The following SEMA3E variants were observed in gnomAD, a reference collection of about 807,000 sequenced individuals.
SEMA3E encodes the protein semaphorin 3E, also known as semaphorin-3E.
A neutral mutation model predicts 93.6 loss-of-function variants in SEMA3E; 49 were observed. That is an observed-to-expected ratio of 0.52 (90% CI 0.42 to 0.66). SEMA3E has a LOEUF of 0.66. SEMA3E is among the 30% of genes least tolerant of loss of function. The pLI, the probability that SEMA3E is intolerant of heterozygous loss-of-function variation, is 0.00. For missense variants in SEMA3E, 906 were observed against 964.8 expected (o/e 0.94, Z 0.81); for synonymous variants, 363 against 330.7 (o/e 1.10, Z -1.06).
intron 14 of SEMA3E, among the ~76,000 whole-genome samples, chr7:83,388,792 T>G (rs915306942): frequency 2.2e-5 from 3 of 137,908 alleles, no homozygotes; most frequent in Non-Finnish European, 3.1e-5. Flanking sequence ...AAATGACACC[T>G]AAAATCTATT....
chr7:83,500,737 C>T (rs1043628857), intron 1 of SEMA3E, among the ~76,000 whole-genome samples: 2 of 151,652 alleles, frequency 1.3e-5, no homozygotes, highest in Non-Finnish European at 2.9e-5. Flanking sequence ...GGATTATAGG[C>T]ATACGCCACC....
chr7:83,437,553 T>C (rs1251724762), intron 4 of SEMA3E, among the ~76,000 whole-genome samples: 1 of 151,970 alleles, frequency 6.6e-6, no homozygotes, highest in Non-Finnish European at 1.5e-5. Context: ...TCAGTGAAAG[T>C]TGAATTTTTA....
chr7:83,645,743 C>CAA (rs1196617269), intron 1 of SEMA3E, among the ~76,000 whole-genome samples: 8 of 151,802 alleles, frequency 5.3e-5, no homozygotes, highest in African/African-American at 1.9e-4. Flanking sequence ...CTCTCTCTCT[C>CAA]TCTCTCTGCC....
chr7:83,639,128 A>AAAAAAC lies in SEMA3E; in HGVS notation c.115+9299_115+9300insGTTTTT, dbSNP rs1793945016. Among the ~76,000 whole-genome samples, 8 of 141,364 alleles carry AAAAAAC rather than the reference A, an allele frequency of 5.7e-5. 1 individual carries two copies. The highest frequency in any genetic ancestry group is 2.1e-4 in the African/African-American group (8 of 38,284). The allele number at this position is 141,364 out of a possible 152,430, so 92.7% of individuals were successfully genotyped here. On this transcript the variant is annotated intron_variant, in intron 1 of 16. Coordinates refer to ENST00000643230, the MANE Select transcript of SEMA3E (RefSeq NM_012431.3). ...TCCGTCTCAAAAAAAAAAAAAAAAA[A>AAAAAAC]AAAAAAAAAAAACAGAGATTCCTGA...
At chr7:83,597,514 G>A (rs1038349173) in intron 1 of SEMA3E, among the ~76,000 whole-genome samples, 1 of 152,094 alleles carries the variant, frequency 6.6e-6, no homozygotes, top group Non-Finnish European at 1.5e-5. Flanking sequence ...TCTTAACTGT[G>A]TCTTTCTCAA....
At chr7:83,532,841 A>G (rs12155029) in intron 1 of SEMA3E, among the ~76,000 whole-genome samples, 79,873 of 151,578 alleles carry the variant, frequency 0.53, 23,395 homozygotes, top group Middle Eastern at 0.69. Context: ...ATCTTGCTTC[A>G]ACCATTTGTG....
chr7:83,525,799 T>C (rs1791146321), intron 1 of SEMA3E, among the ~76,000 whole-genome samples: 1 of 124,080 alleles, frequency 8.1e-6, no homozygotes, highest in East Asian at 2.3e-4. Flanking sequence ...TTTTTTTTTT[T>C]TTCGTCTCTA....
At chr7:83,401,378 T>C (rs1164392629) in intron 10 of SEMA3E, among the ~76,000 whole-genome samples, 1 of 152,100 alleles carries the variant, frequency 6.6e-6, no homozygotes, top group Non-Finnish European at 1.5e-5. Flanking sequence ...ATGGTGTGGT[T>C]TTTAAAATCA....
chr7:83,400,355 C>A, intron 10 of SEMA3E, 105 bp from the exon 11 acceptor site: 2 of 1,015,528 alleles, frequency 2.0e-6, no homozygotes, highest in Non-Finnish European at 3.1e-6. Context: ...TCAAATTAGT[C>A]AATTGTGCAT....
chr7:83,526,100 C>A lies in SEMA3E; in HGVS notation c.116-35826G>T, dbSNP rs1001617308. Among the ~76,000 whole-genome samples, 7 of 152,054 alleles carry A rather than the reference C, an allele frequency of 4.6e-5. 1 individual carries two copies. The highest frequency in any genetic ancestry group is 1.0e-4 in the Non-Finnish European group (7 of 67,996). On this transcript the variant is annotated intron_variant, in intron 1 of 16. Coordinates refer to ENST00000643230, the MANE Select transcript of SEMA3E (RefSeq NM_012431.3). ...GAAGGCTAGGTGGCTCTCAATAGAACTGGCATGAATTCAATGATAATGACA... is the reference window on the plus strand; with the variant it reads ...GAAGGCTAGGTGGCTCTCAATAGAAATGGCATGAATTCAATGATAATGACA...
chr7:83,445,893 A>G (rs1019717864), intron 4 of SEMA3E, among the ~76,000 whole-genome samples: 1 of 152,176 alleles, frequency 6.6e-6, no homozygotes, highest in Admixed American at 6.5e-5. Context: ...GCCTTTTTAA[A>G]TAGGAGATAT....
At chr7:83,548,976 T>C (rs2115793445) in intron 1 of SEMA3E, among the ~76,000 whole-genome samples, 2 of 152,162 alleles carry the variant, frequency 1.3e-5, no homozygotes, top group South Asian at 4.2e-4. Flanking sequence ...TCTTTCAGCC[T>C]ATCACAACAT....
chr7:83,558,639 T>C lies in SEMA3E; in HGVS notation c.116-68365A>G, dbSNP rs1261889443. ...TAAAATTATGGTTACATTTCAGATA[T>C]GAACCAACTATTTTAGTATATTTTA... On this transcript the variant is annotated intron_variant, in intron 1 of 16. Transcript: ENST00000643230. 2.6e-5 allele frequency among the ~76,000 whole-genome samples: 4 copies of C among 152,182 alleles called. No homozygotes were observed. The East Asian group carries it at 7.7e-4, about 29-fold the overall frequency.
intron 4 of SEMA3E, among the ~76,000 whole-genome samples, chr7:83,453,735 C>T (rs1016612826): frequency 3.3e-5 from 5 of 151,084 alleles, no homozygotes; most frequent in African/African-American, 7.2e-5. Context: ...AGTCATTCTT[C>T]ACATCATGTG....
chr7:83,413,349 A>G (rs1788481766), intron 5 of SEMA3E, among the ~76,000 whole-genome samples: 1 of 152,204 alleles, frequency 6.6e-6, no homozygotes. Context: ...TGTTTATGTT[A>G]TAAATGTATG....
chr7:83,626,677 T>G (rs566502845), intron 1 of SEMA3E, among the ~76,000 whole-genome samples: 1 of 152,352 alleles, frequency 6.6e-6, no homozygotes, highest in Admixed American at 6.5e-5. Flanking sequence ...TCATTGATTT[T>G]TTGAAGAGTT....
At chr7:83,431,034 G>T (rs1321673517) in intron 4 of SEMA3E, among the ~76,000 whole-genome samples, 5 of 150,900 alleles carry the variant, frequency 3.3e-5, no homozygotes, top group Non-Finnish European at 7.4e-5. Context: ...GATTATTAAT[G>T]GTTGTCTATT....
intron 1 of SEMA3E, among the ~76,000 whole-genome samples, chr7:83,547,010 A>C (rs561911395): frequency 6.6e-6 from 1 of 152,244 alleles, no homozygotes; most frequent in Admixed American, 6.5e-5. Flanking sequence ...GAAAATGATA[A>C]GCAATGATAA....
intron 1 of SEMA3E, among the ~76,000 whole-genome samples, chr7:83,498,485 C>CT (rs879793625): frequency 1.1e-3 from 149 of 135,678 alleles, no homozygotes; most frequent in South Asian, 2.3e-3. Context: ...GGCACATTCA[C>CT]TTTTTTTTTT....
Sources: gnomAD v4.1 joint callset for allele counts (sites outside exome capture counted in the v4.1 genomes callset) on GRCh38, gnomAD v4.1.1 for gene constraint, MANE v1.5 for transcripts, NCBI Gene and HGNC (gene_info 2026-07-23, HGNC 2026-07-21) for gene names.